JPT1: variants seen among roughly 807,000 people sequenced by gnomAD.
JPT1 encodes the protein Jupiter microtubule associated homolog 1, also known as androgen-regulated protein 2.
JPT1 carries 5 observed loss-of-function variants against 17.0 expected under a neutral mutation model. The observed-to-expected ratio is 0.29, with a 90% confidence interval of 0.15 to 0.62. The LOEUF (loss-of-function observed/expected upper bound fraction) is 0.62, where lower values mean the gene tolerates loss of function less well. Among genes scored for constraint, JPT1 ranks in the 20% least tolerant of loss-of-function variants. JPT1 has a pLI of 0.85. For missense variants in JPT1, 158 were observed against 188.1 expected (o/e 0.84, Z 0.94); for synonymous variants, 71 against 73.6 (o/e 0.96, Z 0.18).
rs530478572 is a variant in JPT1 at position 75,154,478 on chromosome 17, C to A, written c.-81G>T. ...CCGAGGGGCGCTGGGAAACTCCACA[C>A]CCAACAGCCGACCACCGCTGCAGGA... On this transcript the variant is annotated 5_prime_UTR_variant, in exon 1 of 5. Coordinates refer to ENST00000409753, the MANE Select transcript of JPT1 (RefSeq NM_016185.4). The A allele has an allele frequency of 1.8e-5, 24 of 1,343,548 alleles. No individual in the cohort carries two copies. Among genetic ancestry groups the A allele is most frequent in the Middle Eastern group, 2.0e-4 (1 of 4,946 alleles). The allele number at this position is 1,343,548 out of a possible 1,614,324, so 83.2% of individuals were successfully genotyped here.
In JPT1 at chr17:75,148,641, A is replaced by C. The variant is rs1468053820; in HGVS notation, c.87T>G (p.Asn29Lys). ...RVLRPPGGGS[N>K]FSLGFDEPTE... Reference sequence around the variant, plus strand: ...TTGGTTCATCAAAACCTAATGAAAAATTGGATCCACCACCTGGAGGCCGCA... The same window carrying C: ...TTGGTTCATCAAAACCTAATGAAAACTTGGATCCACCACCTGGAGGCCGCA... Residue 29 changes from asparagine (N) to lysine (K), a missense_variant, in exon 2 of 5, where the codon AAT becomes AAG. Asn to Lys is a moderately conservative substitution (Grantham distance 94). Transcript: ENST00000409753. 1 of 1,614,098 alleles carries C rather than the reference A, an allele frequency of 6.2e-7. No homozygotes were observed. Among genetic ancestry groups the C allele is most frequent in the Non-Finnish European group, 8.5e-7 (1 of 1,180,038 alleles).
intron 4 of JPT1, among the ~76,000 whole-genome samples, chr17:75,144,605 TAATC>T (rs1167624747): frequency 5.3e-5 from 8 of 152,164 alleles, no homozygotes; most frequent in African/African-American, 1.7e-4. Flanking sequence ...TCTAGCAAAT[TAATC>T]AAAACCATAG....
intron 4 of JPT1, chr17:75,142,681 G>C: frequency 2.6e-6 from 1 of 391,170 alleles, no homozygotes; most frequent in Non-Finnish European, 5.0e-6. Flanking sequence ...GGAACGGGAA[G>C]GGATGAGAAG....
At position 75,148,540 on chromosome 17, in the gene JPT1, G is replaced by A. The variant is rs201899699; in HGVS notation, c.188C>T (p.Ala63Val). 205 of 1,614,132 alleles carry A rather than the reference G, an allele frequency of 1.3e-4. No homozygotes were observed. In the Middle Eastern group the frequency reaches 8.4e-3, roughly 66 times the overall value. ...GATAACAAGAGTACCTGCTGACTTG[G>A]CCCAAGAAGCTTGATTTTCTTCAGG... ...GTPEENQASW[A>V]KSAGAKSSGG... Residue 63 changes from alanine to valine, a missense_variant, in exon 2 of 5, where the codon GCC (alanine) becomes GTC (valine). Transcript: ENST00000409753.
At position 75,154,471 on chromosome 17, in the gene JPT1, C is replaced by A. The variant is rs1442648713; in HGVS notation, c.-74G>T. Reference sequence around the variant, plus strand: ...GTCGGACCCGAGGGGCGCTGGGAAACTCCACACCCAACAGCCGACCACCGC... The same window carrying A: ...GTCGGACCCGAGGGGCGCTGGGAAAATCCACACCCAACAGCCGACCACCGC... On this transcript the variant is annotated 5_prime_UTR_variant, in exon 1 of 5. Transcript: ENST00000409753. 6 of 1,403,076 alleles carry A rather than the reference C, an allele frequency of 4.3e-6. No homozygotes were observed. The highest frequency in any genetic ancestry group is 5.8e-6 in the Non-Finnish European group (6 of 1,032,056). 86.9% of individuals were successfully genotyped at this position (1,403,076 alleles called of 1,614,324 possible). A position where few individuals can be genotyped will look rare whatever the true frequency, so the allele number is the denominator to read the frequency against.
At position 75,149,280 on chromosome 17, in the gene JPT1, G is replaced by A. The variant is rs116578917; in HGVS notation, c.57-609C>T. On this transcript the variant is annotated intron_variant, in intron 1 of 4. Coordinates refer to ENST00000409753, the MANE Select transcript of JPT1 (RefSeq NM_016185.4). ...CTGAGACAGAAGGATCGTTTCGGCCGGGAGGTCAAGGCTGCAGTGAGCTGT... is the reference window on the plus strand; with the variant it reads ...CTGAGACAGAAGGATCGTTTCGGCCAGGAGGTCAAGGCTGCAGTGAGCTGT... 4.0e-3 allele frequency: 1,339 copies of A among 330,716 alleles called. 19 individuals are homozygous for A. The highest frequency in any genetic ancestry group is 0.027 in the African/African-American group (1,232 of 45,394). 20.5% of individuals were successfully genotyped at this position (330,716 alleles called of 1,614,324 possible).
chr17:75,146,655 G>C lies in JPT1; in HGVS notation c.316+11C>G. On this transcript the variant is annotated intron_variant, in intron 4 of 4. Coordinates refer to ENST00000409753, the MANE Select transcript of JPT1 (RefSeq NM_016185.4). ...GACAGAGCCAGAAATTTGGTCTTCA[G>C]AAGTACTTACCATGAATATCACCTT... is the stretch of plus-strand genomic sequence containing the variant. 6.5e-7 allele frequency: 1 copy of C among 1,536,078 alleles called. No individual in the cohort carries two copies. The highest frequency in any genetic ancestry group is 8.8e-7 in the Non-Finnish European group (1 of 1,131,230).
intron 4 of JPT1, chr17:75,142,847 G>A (rs1309515176): frequency 1.1e-5 from 5 of 451,916 alleles, no homozygotes; most frequent in Admixed American, 4.8e-5. Flanking sequence ...AAAAGTAACT[G>A]GTCCTGTGAT....
At chr17:75,142,708 GAGAGGAGGGAAGAAGGAAGGA>G in intron 4 of JPT1, 1 of 451,398 alleles carries the variant, frequency 2.2e-6, no homozygotes, top group Non-Finnish European at 4.4e-6. Context: ...GAGGGGAAGG[GAGAGGAGGGAAGAAGGAAGGA>G]AGCAAGAAGT....
At chr17:75,146,747 CAT>C in intron 3 of JPT1, 63 bp from the exon 4 acceptor site, 1 of 981,824 alleles carries the variant, frequency 1.0e-6, no homozygotes, top group South Asian at 1.4e-5. Flanking sequence ...GCAAAACAGT[CAT>C]AGTTCATAGC....
At chr17:75,145,885 G>A (rs989848819) in intron 4 of JPT1, 2 of 151,912 alleles carry the variant, frequency 1.3e-5, no homozygotes, top group African/African-American at 4.8e-5. Flanking sequence ...AGACCAGCCT[G>A]GGCAACATAG....
chr17:75,143,869 G>GA lies in JPT1; in HGVS notation c.316+2796dup, dbSNP rs897376808. On this transcript the variant is annotated intron_variant, in intron 4 of 4. Transcript: ENST00000409753. ...AAAAAAGAGCGAATCTCCATCTCGA[G>GA]AAAAAAAAGAAAAACCCAAAAGGGG... Among the ~76,000 whole-genome samples, 69 of 151,660 alleles carry GA rather than the reference G, an allele frequency of 4.5e-4. 1 individual carries two copies. Among genetic ancestry groups the GA allele is most frequent in the African/African-American group, 1.2e-3 (50 of 41,370 alleles).
intron 2 of JPT1, 133 bp from the exon 3 acceptor site, chr17:75,147,786 G>A (rs2074468768): frequency 1.5e-6 from 1 of 654,206 alleles, no homozygotes; most frequent in Non-Finnish European, 2.7e-6. Flanking sequence ...ATCACCTGAG[G>A]TCAGGAGTTC....
At chr17:75,137,742 G>C (rs1444170784) in intron 4 of JPT1, among the ~76,000 whole-genome samples, 1 of 139,740 alleles carries the variant, frequency 7.2e-6, no homozygotes, top group East Asian at 2.0e-4. Context: ...CTGCCTCCTG[G>C]GTTCAAGCAA....
intron 4 of JPT1, among the ~76,000 whole-genome samples, chr17:75,141,849 G>C (rs943466664): frequency 6.6e-6 from 1 of 151,360 alleles, no homozygotes; most frequent in African/African-American, 2.4e-5. Flanking sequence ...TGGGTAGATC[G>C]CTTGAGGTCA....
intron 4 of JPT1, among the ~76,000 whole-genome samples, chr17:75,137,374 T>C (rs1378351612): frequency 6.6e-6 from 1 of 151,938 alleles, no homozygotes; most frequent in Non-Finnish European, 1.5e-5. Context: ...TGGAGGATAT[T>C]GAGACAGGGT....
chr17:75,135,838 A>T lies in JPT1; in HGVS notation c.*264T>A. On this transcript the variant is annotated 3_prime_UTR_variant, in exon 5 of 5. Coordinates refer to ENST00000409753, the MANE Select transcript of JPT1 (RefSeq NM_016185.4). Reference sequence around the variant, plus strand: ...CCTCTAACACATCTGGAACCAAATTATTTCTTCTTAAAAACACAGTACTAA... The same window carrying T: ...CCTCTAACACATCTGGAACCAAATTTTTTCTTCTTAAAAACACAGTACTAA... The T allele has an allele frequency of 1.5e-6, 1 of 658,810 alleles. No homozygotes were observed. Among genetic ancestry groups the T allele is most frequent in the Non-Finnish European group, 2.5e-6 (1 of 397,954 alleles). 40.8% of individuals were successfully genotyped at this position (658,810 alleles called of 1,614,324 possible).
intron 1 of JPT1, among the ~76,000 whole-genome samples, chr17:75,151,859 G>A (rs2074559081): frequency 6.6e-6 from 1 of 151,544 alleles, no homozygotes; most frequent in South Asian, 2.1e-4. Flanking sequence ...ATCTCGGCTA[G>A]TCGGGAGGCT....
In JPT1 at chr17:75,136,339, T is replaced by C. The variant is rs1223690949; in HGVS notation, c.317-89A>G. 2.2e-6 allele frequency: 3 copies of C among 1,347,830 alleles called. No homozygotes were observed. The African/African-American group carries it at 4.4e-5, about 20-fold the overall frequency. The allele number at this position is 1,347,830 out of a possible 1,614,324, so 83.5% of individuals were successfully genotyped here. ...TCTGTTTCTCTTTTTCTTTTTTTTTTGGTTTGATGGTTGGAAACATACCTA... is the reference window on the plus strand; with the variant it reads ...TCTGTTTCTCTTTTTCTTTTTTTTTCGGTTTGATGGTTGGAAACATACCTA... On this transcript the variant is annotated intron_variant, in intron 4 of 4. Transcript: ENST00000409753.
Sources: gnomAD v4.1 joint callset for allele counts (sites outside exome capture counted in the v4.1 genomes callset) on GRCh38, gnomAD v4.1.1 for gene constraint, MANE v1.5 for transcripts, NCBI Gene and HGNC (gene_info 2026-07-23, HGNC 2026-07-21) for gene names.